The following CNBD1 variants were observed in gnomAD, a reference collection of about 807,000 sequenced individuals.
CNBD1 encodes the protein cyclic nucleotide binding domain containing 1, also known as cyclic nucleotide-binding domain-containing protein 1.
Under a neutral mutation model 54.4 loss-of-function variants are expected in CNBD1, and 71 were observed. That is an observed-to-expected ratio of 1.30 (90% CI 1.08 to 1.59). The LOEUF (loss-of-function observed/expected upper bound fraction) is 1.59, where lower values mean the gene tolerates loss of function less well. CNBD1 is among the 40% of genes most tolerant of loss of function. CNBD1 has a pLI of 0.00. For missense variants in CNBD1, 659 were observed against 518.0 expected, an observed-to-expected ratio of 1.27 and a Z score of -2.64; for synonymous variants, 182 against 170.7, an observed-to-expected ratio of 1.07 and a Z score of -0.51.
chr8:87,213,453 G>T (rs1652937113), intron 5 of CNBD1, among the ~76,000 whole-genome samples: 1 of 152,088 alleles, frequency 6.6e-6, no homozygotes, highest in Non-Finnish European at 1.5e-5. Flanking sequence ...GAGAGTGAAG[G>T]GGAAGCAAGA....
intron 8 of CNBD1, among the ~76,000 whole-genome samples, chr8:87,327,383 G>A (rs1319335694): frequency 6.6e-6 from 1 of 151,788 alleles, no homozygotes. Flanking sequence ...CTGGGCAATG[G>A]TGGGCGCCCC....
intron 4 of CNBD1, among the ~76,000 whole-genome samples, chr8:87,081,058 G>T (rs1810980327): frequency 6.7e-6 from 1 of 149,232 alleles, no homozygotes; most frequent in Non-Finnish European, 1.5e-5. Flanking sequence ...TGTTTAATTT[G>T]CTCTTCATTA....
At chr8:87,416,016 C>T (rs1280322379) in intron 2 of CNBD1, among the ~76,000 whole-genome samples, 1 of 151,796 alleles carries the variant, frequency 6.6e-6, no homozygotes, top group Non-Finnish European at 1.5e-5. Context: ...CATACACACA[C>T]AAAAATAGAT....
intron 4 of CNBD1, among the ~76,000 whole-genome samples, chr8:87,193,328 A>G (rs1458164396): frequency 6.6e-6 from 1 of 152,186 alleles, no homozygotes; most frequent in Non-Finnish European, 1.5e-5. Flanking sequence ...ATAGCTCCCC[A>G]AAGACTTGCT....
At chr8:87,126,170 C>A (rs1237571721) in intron 4 of CNBD1, among the ~76,000 whole-genome samples, 1 of 151,928 alleles carries the variant, frequency 6.6e-6, no homozygotes, top group Non-Finnish European at 1.5e-5. Context: ...CATGTGCTTT[C>A]ATTTCTCTGG....
chr8:87,215,545 G>A (rs955209004), intron 5 of CNBD1, among the ~76,000 whole-genome samples: 3 of 147,874 alleles, frequency 2.0e-5, no homozygotes, highest in African/African-American at 5.0e-5. Flanking sequence ...CCGAGATGGC[G>A]CCACTGCACT....
chr8:87,335,461 C>T (rs928081378), intron 8 of CNBD1, among the ~76,000 whole-genome samples: 2 of 151,998 alleles, frequency 1.3e-5, no homozygotes, highest in Non-Finnish European at 2.9e-5. Flanking sequence ...TTATGTAATG[C>T]CCTTTTTTGT....
intron 2 of CNBD1, among the ~76,000 whole-genome samples, chr8:87,395,775 C>T (rs1811397427): frequency 6.6e-6 from 1 of 151,802 alleles, no homozygotes; most frequent in African/African-American, 2.4e-5. Context: ...CCCCTAATCC[C>T]CACGTATCAT....
At chr8:87,390,640 G>T (rs1811288878) in intron 2 of CNBD1, among the ~76,000 whole-genome samples, 2 of 152,272 alleles carry the variant, frequency 1.3e-5, no homozygotes, top group South Asian at 2.1e-4. Context: ...TGCACTGTTG[G>T]TGGGACTATA....
intron 5 of CNBD1, among the ~76,000 whole-genome samples, chr8:87,212,517 T>A (rs1814121648): frequency 6.6e-6 from 1 of 152,100 alleles, no homozygotes; most frequent in African/African-American, 2.4e-5. Flanking sequence ...TATAGAGAGA[T>A]CAATGGAACA....
intron 4 of CNBD1, among the ~76,000 whole-genome samples, chr8:87,133,586 C>G (rs563064394): frequency 6.6e-6 from 1 of 152,034 alleles, no homozygotes; most frequent in African/African-American, 2.4e-5. Flanking sequence ...CTCTTCCCTT[C>G]GGGCCCTTCT....
intron 4 of CNBD1, among the ~76,000 whole-genome samples, chr8:87,126,631 A>G (rs887533449): frequency 1.3e-5 from 2 of 151,958 alleles, no homozygotes; most frequent in Non-Finnish European, 2.9e-5. Context: ...ATTTTTGAAG[A>G]GTAGAAGTTT....
At chr8:86,994,922 G>T (rs1365718684) in intron 4 of CNBD1, among the ~76,000 whole-genome samples, 1 of 152,114 alleles carries the variant, frequency 6.6e-6, no homozygotes, top group African/African-American at 2.4e-5. Context: ...TAGGTTGTGT[G>T]CTACGTATGG....
intron 4 of CNBD1, among the ~76,000 whole-genome samples, chr8:87,165,856 A>G (rs1237657798): frequency 6.6e-6 from 1 of 151,984 alleles, no homozygotes; most frequent in African/African-American, 2.4e-5. Flanking sequence ...GCCGTCATAT[A>G]TAAAGCATTA....
chr8:87,217,943 C>G (rs1352140558), intron 5 of CNBD1, among the ~76,000 whole-genome samples: 1 of 152,048 alleles, frequency 6.6e-6, no homozygotes, highest in Non-Finnish European at 1.5e-5. Context: ...AAGGGCGTTT[C>G]ATAGCAAATT....
Position 87,045,744 on chromosome 8 carries a change from A to AAG in CNBD1, c.431+105990_431+105991insAG, listed in dbSNP as rs1554549758. Reference sequence around the variant, plus strand: ...CGTCTCAAAAAAAAAAAAAAAAAAAACAGTACACATGTGCCGGCCAGGCAT... The same window carrying AAG: ...CGTCTCAAAAAAAAAAAAAAAAAAAAAGCAGTACACATGTGCCGGCCAGGCAT... On this transcript the variant is annotated intron_variant, in intron 4 of 10. Transcript: ENST00000518476. 7.0e-3 allele frequency among the ~76,000 whole-genome samples: 1,020 copies of AAG among 146,660 alleles called. 27 individuals are homozygous for AAG. The highest frequency in any genetic ancestry group is 0.025 in the African/African-American group (964 of 38,998).
chr8:86,924,219 C>T (rs1192986839), intron 3 of CNBD1, among the ~76,000 whole-genome samples: 3 of 152,070 alleles, frequency 2.0e-5, no homozygotes, highest in Non-Finnish European at 4.4e-5. Flanking sequence ...AATTCACAGG[C>T]CATATTTTCT....
intron 4 of CNBD1, among the ~76,000 whole-genome samples, chr8:87,177,752 C>T (rs930329143): frequency 1.3e-5 from 2 of 152,006 alleles, no homozygotes; most frequent in African/African-American, 4.8e-5. Flanking sequence ...CAATTAAGTT[C>T]TTATTAATTG....
intron 5 of CNBD1, among the ~76,000 whole-genome samples, chr8:87,230,192 G>T (rs1189988370): frequency 1.3e-5 from 2 of 152,082 alleles, no homozygotes; most frequent in African/African-American, 4.8e-5. Context: ...GAACAGCATC[G>T]AGAGGATGGT....
Sources: allele counts gnomAD v4.1 joint callset (sites outside exome capture counted in the v4.1 genomes callset), GRCh38; gene constraint gnomAD v4.1.1; transcripts MANE v1.5; gene names NCBI Gene and HGNC (gene_info 2026-07-23, HGNC 2026-07-21).